The following ABCC1 variants were observed in gnomAD, a reference collection of about 807,000 sequenced individuals.
ABCC1 encodes the protein multidrug resistance-associated protein 1.
ABCC1 carries 83 observed loss-of-function variants against 172.9 expected under a neutral mutation model. The ratio of observed to expected loss-of-function variants is 0.48; its 90% CI spans 0.40 to 0.58. The LOEUF is 0.58. Ranked by LOEUF, ABCC1 falls within the 20% of genes least tolerant of loss-of-function variation. The pLI, the probability that ABCC1 is intolerant of heterozygous loss-of-function variation, is 0.00. For missense variants in ABCC1, 1,817 were observed against 2,002.7 expected, an observed-to-expected ratio of 0.91 and a Z score of 1.77; for synonymous variants, 937 against 825.2, an observed-to-expected ratio of 1.14 and a Z score of -2.32.
chr16:16,067,150 T>C (rs1290337891), intron 12 of ABCC1, among the ~76,000 whole-genome samples: 1 of 152,198 alleles, frequency 6.6e-6, no homozygotes, highest in Middle Eastern at 3.4e-3. Flanking sequence ...CTCGGGAGGC[T>C]GAGGTGGGAG....
At chr16:15,984,849 T>C (rs1167479854) in intron 1 of ABCC1, among the ~76,000 whole-genome samples, 1 of 152,190 alleles carries the variant, frequency 6.6e-6, no homozygotes, top group Non-Finnish European at 1.5e-5. Context: ...ACACCTGTAA[T>C]CCCAGCACTT....
chr16:16,102,599 C>G (rs368164171), intron 19 of ABCC1, 28 bp from the exon 20 acceptor site: 19 of 1,555,660 alleles, frequency 1.2e-5, no homozygotes, highest in Non-Finnish European at 1.6e-5. Flanking sequence ...TATAACCCCA[C>G]TTGCCCCCTT....
At chr16:16,038,851 C>T (rs1803473381) in intron 7 of ABCC1, among the ~76,000 whole-genome samples, 2 of 152,176 alleles carry the variant, frequency 1.3e-5, no homozygotes, top group South Asian at 4.1e-4. Context: ...CGGATGCCCA[C>T]CTTTGTGTCC....
intron 20 of ABCC1, among the ~76,000 whole-genome samples, chr16:16,103,531 G>T (rs1315068370): frequency 6.6e-6 from 1 of 152,206 alleles, no homozygotes; most frequent in East Asian, 1.9e-4. Flanking sequence ...AGTGAGCCGA[G>T]ATTGCGCCAT....
At chr16:15,993,395 C>G (rs1328957188) in intron 1 of ABCC1, among the ~76,000 whole-genome samples, 2 of 152,124 alleles carry the variant, frequency 1.3e-5, no homozygotes, top group Non-Finnish European at 2.9e-5. Flanking sequence ...AGAATTAGTC[C>G]CATTTCACAG....
At chr16:15,955,168 C>A (rs923394116) in intron 1 of ABCC1, among the ~76,000 whole-genome samples, 3 of 152,094 alleles carry the variant, frequency 2.0e-5, no homozygotes, top group Admixed American at 2.0e-4. Flanking sequence ...CCAGTCTGGG[C>A]AGAATGGTGA....
At chr16:16,079,312 C>T (rs762227907) in intron 15 of ABCC1, 40 bp from the exon 16 acceptor site, 1 of 1,608,440 alleles carries the variant, frequency 6.2e-7, no homozygotes, top group Non-Finnish European at 8.5e-7. Context: ...CGGCAGGCCT[C>T]ATTCAGCGTG....
chr16:16,075,717 G>C (rs11866794), intron 14 of ABCC1, among the ~76,000 whole-genome samples: 17,297 of 152,228 alleles, frequency 0.11, 1,119 homozygotes, highest in Middle Eastern at 0.22. Flanking sequence ...CACACTTCCT[G>C]TTCCGTATCC....
intron 12 of ABCC1, among the ~76,000 whole-genome samples, chr16:16,061,720 TAGTA>T (rs1273188850): frequency 6.6e-6 from 1 of 152,112 alleles, no homozygotes; most frequent in Non-Finnish European, 1.5e-5. Context: ...ATACAAGTGA[TAGTA>T]AGAGTCATAC....
chr16:15,966,098 C>G (rs1054083619), intron 1 of ABCC1, among the ~76,000 whole-genome samples: 1 of 151,950 alleles, frequency 6.6e-6, no homozygotes, highest in Non-Finnish European at 1.5e-5. Context: ...GGTTATTATT[C>G]AGAGTGGACG....
At chr16:16,138,125 C>T (rs577745377) in intron 29 of ABCC1, among the ~76,000 whole-genome samples, 8 of 152,016 alleles carry the variant, frequency 5.3e-5, no homozygotes, top group African/African-American at 1.7e-4. Flanking sequence ...CCAAAGTGCT[C>T]AGATTGTAGG....
At chr16:16,047,329 T>C (rs181365015) in intron 9 of ABCC1, among the ~76,000 whole-genome samples, 2 of 152,238 alleles carry the variant, frequency 1.3e-5, no homozygotes, top group East Asian at 3.9e-4. Context: ...TCTCGCTCTG[T>C]CACCCAGGCT....
intron 20 of ABCC1, among the ~76,000 whole-genome samples, chr16:16,103,817 A>G (rs1321518086): frequency 6.6e-6 from 1 of 152,118 alleles, no homozygotes; most frequent in African/African-American, 2.4e-5. Flanking sequence ...GGACATGGTT[A>G]TGGTCCGGAA....
Position 16,009,677 on chromosome 16 carries a change from T to C in ABCC1, c.226-99T>C, listed in dbSNP as rs2047694856. On this transcript the variant is annotated intron_variant, in intron 2 of 30. Coordinates refer to ENST00000399410, the MANE Select transcript of ABCC1 (RefSeq NM_004996.4). ...GGACTGTGGCTGATCATTTGAAGGCTGGCTGGTTCTCCTATCCCTGGGGCT... is the reference window on the plus strand; with the variant it reads ...GGACTGTGGCTGATCATTTGAAGGCCGGCTGGTTCTCCTATCCCTGGGGCT... The C allele has an allele frequency of 1.0e-5, 13 of 1,285,050 alleles. No individual in the cohort carries two copies. The South Asian group carries it at 1.7e-4, about 17-fold the overall frequency. 79.6% of individuals were successfully genotyped at this position (1,285,050 alleles called of 1,614,324 possible). A position where few individuals can be genotyped will look rare whatever the true frequency, so the allele number is the denominator to read the frequency against.
At chr16:16,141,122 G>GA in intron 30 of ABCC1, 51 bp from the exon 31 acceptor site, 1 of 1,551,378 alleles carries the variant, frequency 6.4e-7, no homozygotes, top group Non-Finnish European at 8.9e-7. Context: ...CCAGGGGCAC[G>GA]AGGTGCTCAC....
chr16:16,116,557 G>A (rs1316856961), intron 23 of ABCC1, among the ~76,000 whole-genome samples: 4 of 151,782 alleles, frequency 2.6e-5, no homozygotes, highest in African/African-American at 9.7e-5. Context: ...CATTAGAGGC[G>A]TTATTTTTAT....
chr16:16,116,375 T>C (rs2044867098), intron 23 of ABCC1, among the ~76,000 whole-genome samples: 1 of 152,190 alleles, frequency 6.6e-6, no homozygotes, highest in African/African-American at 2.4e-5. Flanking sequence ...ACTCCCCCAA[T>C]GGATGCCTTA....
At chr16:16,122,711 TAAAAAA>T (rs34383577) in intron 24 of ABCC1, among the ~76,000 whole-genome samples, 2 of 116,276 alleles carry the variant, frequency 1.7e-5, no homozygotes, top group African/African-American at 3.4e-5. Flanking sequence ...CCATCTCTCT[TAAAAAA>T]AAAAAAAAAA....
In ABCC1 at chr16:15,964,012, C is replaced by T. The variant is rs571145252; in HGVS notation, c.48+14213C>T. On this transcript the variant is annotated intron_variant, in intron 1 of 30. Coordinates refer to ENST00000399410, the MANE Select transcript of ABCC1 (RefSeq NM_004996.4). ...AGGCTAGAGTGCAATGGCATGATCT[C>T]GGCTCATTGCAACCTCTGCCTCCTG... Among the ~76,000 whole-genome samples the T allele has an allele frequency of 5.3e-5, 8 of 151,704 alleles. No homozygotes were observed. In the East Asian group the frequency reaches 5.8e-4, roughly 11 times the overall value.
Sources: gnomAD v4.1 joint callset for allele counts (sites outside exome capture counted in the v4.1 genomes callset) on GRCh38, gnomAD v4.1.1 for gene constraint, MANE v1.5 for transcripts, NCBI Gene and HGNC (gene_info 2026-07-23, HGNC 2026-07-21) for gene names.